Variants in CRACD observed in about 807,000 individuals in gnomAD.
CRACD encodes the protein capping protein-inhibiting regulator of actin dynamics.
Under a neutral mutation model 106.8 loss-of-function variants are expected in CRACD, and 56 were observed. That is an observed-to-expected ratio of 0.52 (90% CI 0.42 to 0.66). The LOEUF (loss-of-function observed/expected upper bound fraction) is 0.66, where lower values mean the gene tolerates loss of function less well. Ranked by LOEUF, CRACD falls within the 30% of genes least tolerant of loss-of-function variation. The pLI is 0.00. For synonymous variants in CRACD, 754 were observed against 670.8 expected (o/e 1.12, Z -1.92); for missense variants, 1,730 against 1,623.2 (o/e 1.07, Z -1.13).
intron 5 of CRACD, chr4:56,309,205 C>T (rs919724025): frequency 1.1e-4 from 40 of 349,018 alleles, no homozygotes; most frequent in Non-Finnish European, 1.8e-4. Context: ...GGTGCCAAGC[C>T]GGATTGTATA....
At chr4:56,058,783 TA>T (rs1327562529) in intron 1 of CRACD, among the ~76,000 whole-genome samples, 6 of 152,242 alleles carry the variant, frequency 3.9e-5, no homozygotes, top group Non-Finnish European at 8.8e-5. Flanking sequence ...GCTTCTGCAC[TA>T]GCCTTTCCTT....
chr4:56,273,920 G>T (rs1281875467), intron 3 of CRACD, among the ~76,000 whole-genome samples: 1 of 152,198 alleles, frequency 6.6e-6, no homozygotes, highest in Non-Finnish European at 1.5e-5. Flanking sequence ...TGTGGTGTGT[G>T]TCAGTAAGTA....
chr4:56,188,570 G>A (rs936979605), intron 2 of CRACD, among the ~76,000 whole-genome samples: 5 of 149,800 alleles, frequency 3.3e-5, no homozygotes, highest in African/African-American at 1.2e-4. Flanking sequence ...GGAAATGAGT[G>A]TTTTATTTTT....
chr4:56,183,102 G>A (rs186911159), intron 2 of CRACD, among the ~76,000 whole-genome samples: 161 of 151,768 alleles, frequency 1.1e-3, no homozygotes, highest in Non-Finnish European at 1.9e-3. Context: ...GCATGGTGGC[G>A]CATGCCTGTA....
At chr4:56,080,204 A>G (rs1487380431) in intron 1 of CRACD, among the ~76,000 whole-genome samples, 2 of 152,158 alleles carry the variant, frequency 1.3e-5, no homozygotes, top group Admixed American at 6.5e-5. Context: ...AAATAAATAA[A>G]TAATCTTTTT....
intron 2 of CRACD, among the ~76,000 whole-genome samples, chr4:56,234,967 G>T (rs1008878743): frequency 6.6e-6 from 1 of 152,194 alleles, no homozygotes; most frequent in African/African-American, 2.4e-5. Flanking sequence ...TACACCTTCT[G>T]TTCCACCTCC....
intron 1 of CRACD, among the ~76,000 whole-genome samples, chr4:56,152,185 ATT>A (rs1188846920): frequency 4.5e-5 from 6 of 133,006 alleles, no homozygotes; most frequent in Admixed American, 7.5e-5. Flanking sequence ...AATTTTTTGT[ATT>A]TTTTTTTTTT....
At chr4:56,266,253 T>C (rs1577829669) in intron 2 of CRACD, among the ~76,000 whole-genome samples, 2 of 152,284 alleles carry the variant, frequency 1.3e-5, no homozygotes, top group Non-Finnish European at 2.9e-5. Context: ...CTGCCTTTTT[T>C]CCTATAAATT....
At chr4:56,125,764 C>CTTCTTTTTTTTT (rs1420481544) in intron 1 of CRACD, among the ~76,000 whole-genome samples, 23 of 73,304 alleles carry the variant, frequency 3.1e-4, no homozygotes, top group South Asian at 6.3e-4. Flanking sequence ...CATTCTTCTT[C>CTTCTTTTTTTTT]TTTTTTTTTT....
At chr4:56,120,604 C>T (rs893251293) in intron 1 of CRACD, among the ~76,000 whole-genome samples, 2 of 152,098 alleles carry the variant, frequency 1.3e-5, no homozygotes, top group African/African-American at 4.8e-5. Context: ...AATATCTTTA[C>T]CAACTTCTCA....
At chr4:56,136,646 T>C (rs1465491066) in intron 1 of CRACD, among the ~76,000 whole-genome samples, 1 of 152,232 alleles carries the variant, frequency 6.6e-6, no homozygotes, top group Non-Finnish European at 1.5e-5. Context: ...ATAATCTAGA[T>C]ACAAGCATTT....
In CRACD at chr4:56,323,552, G is replaced by A; in HGVS notation, c.3363G>A (p.Lys1121=). Reference sequence around the variant, plus strand: ...CCAGAGAGGCCAAACAGGCAGAAAAGCTCTCCAAAGAAAATGTGAGTAGCC... The same window carrying A: ...CCAGAGAGGCCAAACAGGCAGAAAAACTCTCCAAAGAAAATGTGAGTAGCC... ...KQAREAKQAE[K]LSKENVSVSV... Residue 1121 remains lysine (K), a synonymous_variant, in exon 9 of 11, where the codon AAG becomes AAA. Transcript: ENST00000682029. 1.3e-6 allele frequency: 2 copies of A among 1,577,194 alleles called. No individual in the cohort carries two copies. The highest frequency in any genetic ancestry group is 1.7e-6 in the Non-Finnish European group (2 of 1,169,420).
At chr4:56,244,072 G>A (rs1740528982) in intron 2 of CRACD, among the ~76,000 whole-genome samples, 1 of 152,118 alleles carries the variant, frequency 6.6e-6, no homozygotes, top group South Asian at 2.1e-4. Flanking sequence ...GTCTTACTGG[G>A]AAAATGGGAG....
Position 56,224,896 on chromosome 4 carries a change from C to G in CRACD, c.-189+45466C>G, listed in dbSNP as rs562601691. Among the ~76,000 whole-genome samples, 10 of 152,244 alleles carry G rather than the reference C, an allele frequency of 6.6e-5. No homozygotes were observed. In the East Asian group the frequency reaches 1.2e-3, roughly 18 times the overall value. On this transcript the variant is annotated intron_variant, in intron 2 of 10. Transcript: ENST00000682029. The stretch of plus-strand genomic sequence containing the variant: ...CCTTACCTTGAAGCTGGGAGCCAAC[C>G]CTTTACCCTGAAGTTGGGAGCCAAC...
chr4:56,307,603 C>G lies in CRACD; in HGVS notation c.189C>G (p.Asn63Lys). 1 of 1,614,202 alleles carries G rather than the reference C, an allele frequency of 6.2e-7. No homozygotes were observed. Among genetic ancestry groups the G allele is most frequent in the Non-Finnish European group, 8.5e-7 (1 of 1,180,034 alleles). Reference protein sequence around the residue: ...SPNAIPMNKANSGEASLEEDL... With the variant: ...SPNAIPMNKAKSGEASLEEDL... ...ATGCCATTCCCATGAATAAGGCAAACAGTGGAGAGGCTAGCTTAGAAGAGG... is the reference window on the plus strand; with the variant it reads ...ATGCCATTCCCATGAATAAGGCAAAGAGTGGAGAGGCTAGCTTAGAAGAGG... The change falls in exon 5 of 11, where the codon AAC (asparagine) becomes AAG (lysine). Residue 63 changes from asparagine to lysine, a missense_variant. By Grantham distance (94) the Asn-to-Lys change is moderately conservative. Around this residue, in one of 5 missense-constraint regions of CRACD, gnomAD observed 1,620 missense variants for 1,481.6 expected, o/e 1.09. Transcript: ENST00000682029.
rs574730160 is a variant in CRACD, at chr4:56,327,944, A to C, written c.*140A>C. ...ATAGGCTCCAAAATAATGTTTAGAA[A>C]CTGAACTGGTGGTGTTCATTGTAAA... On this transcript the variant is annotated 3_prime_UTR_variant, in exon 11 of 11. Transcript: ENST00000682029. The C allele has an allele frequency of 4.1e-6, 3 of 735,412 alleles. No homozygotes were observed. Among genetic ancestry groups the C allele is most frequent in the Non-Finnish European group, 6.4e-6 (3 of 467,364 alleles). The allele number at this position is 735,412 out of a possible 1,614,324, so 45.6% of individuals were successfully genotyped here.
At position 56,141,682 on chromosome 4, in the gene CRACD, ATTTTTTTT is replaced by A. The variant is rs1171920777; in HGVS notation, c.-335-37581_-335-37574del. Among the ~76,000 whole-genome samples, 19 of 82,680 alleles carry A rather than the reference ATTTTTTTT, an allele frequency of 2.3e-4. No homozygotes were observed. The South Asian group carries it at 5.0e-3, about 22-fold the overall frequency. The allele number at this position is 82,680 out of a possible 152,430, so 54.2% of individuals were successfully genotyped here. On this transcript the variant is annotated intron_variant, in intron 1 of 10. Coordinates refer to ENST00000682029, the MANE Select transcript of CRACD (RefSeq NM_001393381.1). ...TAAGTATCTAAACTAAGGAAGTACT[ATTTTTTTT>A]TTTTTTTTTTTTTTTTTTTTAGAAA...
intron 1 of CRACD, among the ~76,000 whole-genome samples, chr4:56,170,526 G>GA (rs957580528): frequency 2.6e-5 from 4 of 152,138 alleles, no homozygotes; most frequent in Admixed American, 6.5e-5. Flanking sequence ...GGGGGAACTT[G>GA]AATGGCAGAC....
intron 1 of CRACD, among the ~76,000 whole-genome samples, chr4:56,136,382 T>C (rs1161197343): frequency 6.6e-6 from 1 of 152,222 alleles, no homozygotes. Flanking sequence ...TCACTAGCAG[T>C]ATATGGAGGT....
Sources: allele counts gnomAD v4.1 joint callset (sites outside exome capture counted in the v4.1 genomes callset), GRCh38; gene constraint gnomAD v4.1.1; regional missense constraint gnomAD v4.1.1; transcripts MANE v1.5; gene names NCBI Gene and HGNC (gene_info 2026-07-23, HGNC 2026-07-21).